Variants in MKLN1 observed in about 807,000 individuals in gnomAD.
MKLN1 encodes the protein muskelin.
In MKLN1, 18 loss-of-function variants were observed where a neutral mutation model predicts 99.0. The ratio of observed to expected loss-of-function variants is 0.18; its 90% CI spans 0.13 to 0.27. The LOEUF is 0.27. Among genes scored for constraint, MKLN1 ranks in the 10% least tolerant of loss-of-function variants. The pLI is 1.00. For synonymous variants in MKLN1, 288 were observed against 293.2 expected (o/e 0.98, Z 0.18); for missense variants, 621 against 875.9 (o/e 0.71, Z 3.67).
At chr7:131,230,556 GCTT>G (rs1563260463) in intron 3 of MKLN1, among the ~76,000 whole-genome samples, 1 of 152,184 alleles carries the variant, frequency 6.6e-6, no homozygotes. Flanking sequence ...TTCTGGGAAG[GCTT>G]CTAAGATTTC....
At chr7:131,326,725 C>T (rs1205416635), upstream of MKLN1, 1 of 152,108 alleles carries the variant, frequency 6.6e-6, no homozygotes, top group Non-Finnish European at 1.5e-5. Context: ...AACAGGAAGT[C>T]AGGAAAGGAC....
rs1205751993 is a variant in MKLN1, at chr7:131,192,225, TATAC to T, written c.-296-10630_-296-10627del. ...ATACAATATATAAATATATAAAATA[TATAC>T]AATATATAAATATATAAAATATAAT... is the stretch of plus-strand genomic sequence containing the variant. On this transcript the variant is annotated intron_variant, in intron 2 of 7. Coordinates refer to the MKLN1 transcript ENST00000416992. 1.2e-4 allele frequency among the ~76,000 whole-genome samples: 11 copies of T among 91,586 alleles called. 1 individual carries two copies. The highest frequency in any genetic ancestry group is 2.5e-4 in the East Asian group (1 of 3,928). 60.1% of individuals were successfully genotyped at this position (91,586 alleles called of 152,430 possible).
At chr7:131,367,616 G>A (rs1407260972) in intron 1 of MKLN1, among the ~76,000 whole-genome samples, 4 of 151,954 alleles carry the variant, frequency 2.6e-5, no homozygotes, top group Non-Finnish European at 5.9e-5. Flanking sequence ...CCCTCCTTCT[G>A]TTCTACATCT....
At chr7:131,158,355 A>T (rs1318715817) in intron 2 of MKLN1, among the ~76,000 whole-genome samples, 1 of 152,130 alleles carries the variant, frequency 6.6e-6, no homozygotes, top group East Asian at 1.9e-4. Flanking sequence ...AATCACTTGA[A>T]CCTGGGAGGC....
At chr7:131,391,219 G>A (rs1310580178) in intron 4 of MKLN1, among the ~76,000 whole-genome samples, 2 of 151,960 alleles carry the variant, frequency 1.3e-5, no homozygotes, top group Non-Finnish European at 2.9e-5. Flanking sequence ...TAGCACAGAC[G>A]TTTATTTCAT....
intron 3 of MKLN1, among the ~76,000 whole-genome samples, chr7:131,258,880 G>A (rs1298539823): frequency 6.6e-6 from 1 of 152,178 alleles, no homozygotes; most frequent in Non-Finnish European, 1.5e-5. Context: ...AAAGGGAAAT[G>A]ATTTACAGGG....
intron 3 of MKLN1, among the ~76,000 whole-genome samples, chr7:131,215,856 T>C (rs1449606152): frequency 6.6e-6 from 1 of 152,126 alleles, no homozygotes; most frequent in Non-Finnish European, 1.5e-5. Context: ...TATTACCACA[T>C]GCGGTCAGCT....
In MKLN1 at chr7:131,487,645, C is replaced by G; in HGVS notation, c.2125C>G (p.Gln709Glu). 1 of 1,612,718 alleles carries G rather than the reference C, an allele frequency of 6.2e-7. No homozygotes were observed. Among genetic ancestry groups the G allele is most frequent in the Non-Finnish European group, 8.5e-7 (1 of 1,179,102 alleles). ...DVDHTYAQRT[Q>E]LFDTLVNFFP... is the part of the protein sequence containing the mutation. ...GGATCACACCTATGCTCAAAGAACT[C>G]AGCTCTTTGACACCTTAGTAAATTT... is the stretch of plus-strand genomic sequence containing the variant. The change falls in exon 18 of 18, where the codon CAG (glutamine) becomes GAG (glutamate). Residue 709 changes from glutamine to glutamate, a missense_variant. Physicochemically the swap from Gln to Glu is conservative, Grantham distance 29 (BLOSUM62 2). Coordinates refer to ENST00000352689, the MANE Select transcript of MKLN1 (RefSeq NM_013255.5). The surrounding 1 kb of genome is among the most constrained non-coding windows in gnomAD (Gnocchi z 4.7).
intron 2 of MKLN1, among the ~76,000 whole-genome samples, chr7:131,190,260 C>T (rs1796515202): frequency 6.6e-6 from 1 of 152,016 alleles, no homozygotes; most frequent in African/African-American, 2.4e-5. Flanking sequence ...CCTCTCCTGC[C>T]CCTCCCCTAA....
intron 8 of MKLN1, among the ~76,000 whole-genome samples, chr7:131,427,338 A>C (rs1307561052): frequency 1.3e-5 from 2 of 152,206 alleles, no homozygotes; most frequent in Non-Finnish European, 2.9e-5. Context: ...TTCCAAGTAC[A>C]CTTTGAATTG....
intron 3 of MKLN1, among the ~76,000 whole-genome samples, chr7:131,220,386 G>T (rs1481580849): frequency 6.6e-6 from 1 of 152,138 alleles, no homozygotes; most frequent in Non-Finnish European, 1.5e-5. Flanking sequence ...TCATTGGGAA[G>T]CTGGATCTTC....
chr7:131,425,425 A>G (rs1329424565), intron 8 of MKLN1, among the ~76,000 whole-genome samples: 1 of 151,606 alleles, frequency 6.6e-6, no homozygotes, highest in Non-Finnish European at 1.5e-5. Flanking sequence ...GGTGCTTTTT[A>G]CCTTGTTTAT....
chr7:131,241,084 G>A (rs1406256281), intron 3 of MKLN1, among the ~76,000 whole-genome samples: 1 of 152,122 alleles, frequency 6.6e-6, no homozygotes, highest in African/African-American at 2.4e-5. Context: ...CCCTTGGTGA[G>A]CAAGTGTCAT....
At chr7:131,413,673 G>A (rs1794940642) in intron 7 of MKLN1, among the ~76,000 whole-genome samples, 1 of 151,966 alleles carries the variant, frequency 6.6e-6, no homozygotes, top group Non-Finnish European at 1.5e-5. Flanking sequence ...CTGAGTAGCT[G>A]GGATTACAGG....
At chr7:131,363,761 A>G (rs1037394190) in intron 1 of MKLN1, among the ~76,000 whole-genome samples, 36 of 149,822 alleles carry the variant, frequency 2.4e-4, no homozygotes, top group African/African-American at 7.8e-4. Flanking sequence ...ATCCCTGGGA[A>G]AAAAAAAAAA....
chr7:131,399,190 G>A (rs759489046), intron 5 of MKLN1, 51 bp from the exon 6 acceptor site: 2 of 1,474,824 alleles, frequency 1.4e-6, no homozygotes, highest in Non-Finnish European at 1.9e-6. Flanking sequence ...GTTTCCTACA[G>A]TATCATCTAA....
chr7:131,296,384 G>T (rs760174975), intron 3 of MKLN1, among the ~76,000 whole-genome samples: 2 of 152,206 alleles, frequency 1.3e-5, no homozygotes, highest in Non-Finnish European at 2.9e-5. Flanking sequence ...TATATTATTT[G>T]CTCTGTGTAA....
intron 17 of MKLN1, among the ~76,000 whole-genome samples, chr7:131,480,373 A>C (rs907358632): frequency 6.6e-6 from 1 of 152,212 alleles, no homozygotes; most frequent in Non-Finnish European, 1.5e-5. Flanking sequence ...TATCTCTTGA[A>C]AGTGAACTGT....
In MKLN1 at chr7:131,491,466, T is replaced by C. The variant is rs1797420890; in HGVS notation, c.*3738T>C. The C allele has an allele frequency of 6.6e-6, 1 of 152,192 alleles. No individual in the cohort carries two copies. Among genetic ancestry groups the C allele is most frequent in the South Asian group, 2.1e-4 (1 of 4,832 alleles). The allele number at this position is 152,192 out of a possible 1,614,324, so 9.4% of individuals were successfully genotyped here. A position where few individuals can be genotyped will look rare whatever the true frequency, so the allele number is the denominator to read the frequency against. ...GCTTTAACACAAAAGATTTTTGTTATCCTTATTAGTCAAATAACGCTATTC... is the reference window on the plus strand; with the variant it reads ...GCTTTAACACAAAAGATTTTTGTTACCCTTATTAGTCAAATAACGCTATTC... On this transcript the variant is annotated 3_prime_UTR_variant, in exon 18 of 18. Transcript: ENST00000352689.
Sources: gnomAD v4.1 joint callset for allele counts (sites outside exome capture counted in the v4.1 genomes callset) on GRCh38, gnomAD v4.1.1 for gene constraint, Gnocchi (gnomAD v3.1) non-coding constraint, MANE v1.5 for transcripts, NCBI Gene and HGNC (gene_info 2026-07-23, HGNC 2026-07-21) for gene names.